The following MYBPC2 variants were observed in gnomAD, a reference collection of about 807,000 sequenced individuals.
The protein encoded by MYBPC2 is myosin-binding protein C, fast-type.
A neutral mutation model predicts 137.0 loss-of-function variants in MYBPC2; 122 were observed. That is an observed-to-expected ratio of 0.89 (90% CI 0.77 to 1.03). The LOEUF (loss-of-function observed/expected upper bound fraction) is 1.03. Ranked by LOEUF, MYBPC2 falls within the 50% of genes least tolerant of loss-of-function variation. The pLI is 0.00. For missense variants in MYBPC2, 1,500 were observed against 1,534.4 expected (o/e 0.98, Z 0.37); for synonymous variants, 626 against 612.3 (o/e 1.02, Z -0.33).
Position 50,451,354 on chromosome 19 carries a change from G to C in MYBPC2, c.1609+45G>C, listed in dbSNP as rs777303559. 4 of 1,606,788 alleles carry C rather than the reference G, an allele frequency of 2.5e-6. No individual in the cohort carries two copies. In the South Asian group the frequency reaches 4.4e-5, roughly 18 times the overall value. ...CTGGGAGCGGGTCTGAGGGAGGAGG[G>C]ACCGGGCTGAGGGAGGAGGGGAATG... On this transcript the variant is annotated intron_variant, in intron 15 of 27. Coordinates refer to ENST00000357701, the MANE Select transcript of MYBPC2 (RefSeq NM_004533.4).
At chr19:50,460,994 A>C (rs2039966361) in intron 24 of MYBPC2, among the ~76,000 whole-genome samples, 2 of 137,218 alleles carry the variant, frequency 1.5e-5, no homozygotes, top group African/African-American at 2.8e-5. Context: ...CCTGGCCTTT[A>C]TTTCTTTTAA....
intron 20 of MYBPC2, among the ~76,000 whole-genome samples, chr19:50,456,813 A>G (rs1045428245): frequency 1.3e-5 from 2 of 151,782 alleles, no homozygotes; most frequent in African/African-American, 4.8e-5. Flanking sequence ...CTATATGGCC[A>G]TCCAACCATC....
In MYBPC2 at chr19:50,445,896, G is replaced by T. The variant is rs1221821423; in HGVS notation, c.1150G>T (p.Glu384Ter). The T allele has an allele frequency of 2.5e-6, 4 of 1,607,678 alleles. No individual in the cohort carries two copies. The highest frequency in any genetic ancestry group is 3.4e-6 in the Non-Finnish European group (4 of 1,177,172). ...CCCACCTAGGATGAAAGATGGTGTG[G>T]AACTGACTCGGGAGGATTCCTTCAA... ...AQVMWMKDGV[E>*]LTREDSFKAR... Residue 384 changes from glutamate (E) to a stop codon, truncating the protein, a stop_gained, in exon 12 of 28, where the codon GAA becomes TAA. Transcript: ENST00000357701. LOFTEE classifies it high-confidence loss of function.
At chr19:50,439,819 C>T (rs1003691836) in intron 7 of MYBPC2, among the ~76,000 whole-genome samples, 2 of 152,214 alleles carry the variant, frequency 1.3e-5, no homozygotes, top group African/African-American at 4.8e-5. Context: ...GAGAGGGTCC[C>T]ACCGGGGCCT....
In MYBPC2 at chr19:50,455,192, C is replaced by A. The variant is rs776854953; in HGVS notation, c.2099C>A (p.Ser700Tyr). 1.1e-5 allele frequency: 18 copies of A among 1,613,822 alleles called. No individual in the cohort carries two copies. The highest frequency in any genetic ancestry group is 1.7e-5 in the Admixed American group (1 of 59,990). The change falls in exon 19 of 28, where the codon TCC (serine) becomes TAC (tyrosine). Residue 700 changes from serine to tyrosine, a missense_variant. Transcript: ENST00000357701. ...FEVFTETTYE[S>Y]TKMIEGILYE... is the part of the protein sequence containing the mutation. Reference sequence around the variant, plus strand: ...GTCTTCACAGAGACCACCTATGAGTCCACCAAGATGATCGAGGGCATCCTC... The same window carrying A: ...GTCTTCACAGAGACCACCTATGAGTACACCAAGATGATCGAGGGCATCCTC...
At chr19:50,459,078 C>A (rs1166000901) in intron 22 of MYBPC2, 33 bp from the exon 23 acceptor site, 1 of 1,554,534 alleles carries the variant, frequency 6.4e-7, no homozygotes, top group South Asian at 1.2e-5. Context: ...TGGAGCCCCG[C>A]TGACCCCACC....
In MYBPC2 at chr19:50,454,151, C is replaced by T. The variant is rs1405863127; in HGVS notation, c.1881C>T (p.Asp627=). 19 of 1,613,708 alleles carry T rather than the reference C, an allele frequency of 1.2e-5. No individual in the cohort carries two copies. The highest frequency in any genetic ancestry group is 3.3e-5 in the South Asian group (3 of 91,052). ...TIKVTNPVGE[D]VASIFLQVVD... ...AGGTCACCAACCCCGTCGGCGAGGA[C>T]GTGGCTTCCATCTTCCTGCAAGTTG... Residue 627 remains aspartate (D), a synonymous_variant, in exon 17 of 28, where the codon GAC becomes GAT. Transcript: ENST00000357701.
intron 7 of MYBPC2, among the ~76,000 whole-genome samples, chr19:50,440,489 C>A (rs1291641953): frequency 1.3e-5 from 2 of 151,656 alleles, no homozygotes; most frequent in Non-Finnish European, 2.9e-5. Flanking sequence ...CATGGCAAAA[C>A]CCTGTTTCTA....
intron 1 of MYBPC2, among the ~76,000 whole-genome samples, chr19:50,434,125 AG>A (rs2039681520): frequency 6.6e-6 from 1 of 152,122 alleles, no homozygotes; most frequent in South Asian, 2.1e-4. Flanking sequence ...TGGGAGGCCA[AG>A]GTGGGTGGAT....
In MYBPC2 at chr19:50,450,806, TACCCTGCTCCCCC is replaced by T; in HGVS notation, c.1473-18_1473-6del. On this transcript the variant is annotated splice_polypyrimidine_tract_variant and intron_variant, in intron 13 of 27. Coordinates refer to ENST00000357701, the MANE Select transcript of MYBPC2 (RefSeq NM_004533.4). Reference sequence around the variant, plus strand: ...TCCCATTGCAATCTGGTTCGAGCCCTACCCTGCTCCCCCACCCCTTAGGTTCCACAAGCTGGTG... The same window carrying T: ...TCCCATTGCAATCTGGTTCGAGCCCTACCCCTTAGGTTCCACAAGCTGGTG... 6.5e-7 allele frequency: 1 copy of T among 1,547,424 alleles called. No homozygotes were observed. The highest frequency in any genetic ancestry group is 8.8e-7 in the Non-Finnish European group (1 of 1,142,510).
intron 27 of MYBPC2, 115 bp downstream of exon 27, chr19:50,464,647 T>C (rs1217334145): frequency 2.5e-6 from 3 of 1,202,978 alleles, no homozygotes; most frequent in Non-Finnish European, 3.3e-6. Context: ...AGACCAGCCC[T>C]CTGGGAGGAG....
rs375528821 is a variant in MYBPC2, at chr19:50,435,805, G to T, written c.139G>T (p.Ala47Ser). The part of the protein sequence containing the change: ...EAPPEDQSPT[A>S]EEPTGVFLKK... Reference sequence around the variant, plus strand: ...CCCACCCGAGGACCAGTCCCCGACTGCAGAGGAGCCCACCGGCGTTTTCCT... The same window carrying T: ...CCCACCCGAGGACCAGTCCCCGACTTCAGAGGAGCCCACCGGCGTTTTCCT... Residue 47 changes from alanine to serine, a missense_variant, in exon 3 of 28, where the codon GCA (alanine) becomes TCA (serine). Ala to Ser is a moderately conservative substitution (Grantham distance 99, BLOSUM62 1). Coordinates refer to ENST00000357701, the MANE Select transcript of MYBPC2 (RefSeq NM_004533.4). The surrounding 1 kb of genome is among the most constrained non-coding windows in gnomAD (Gnocchi z 4.8). 486 of 1,611,980 alleles carry T rather than the reference G, an allele frequency of 3.0e-4. 4 individuals carry two copies. The South Asian group carries it at 5.0e-3, about 17-fold the overall frequency.
At chr19:50,453,005 T>C (rs780062071) in intron 16 of MYBPC2, among the ~76,000 whole-genome samples, 1 of 152,172 alleles carries the variant, frequency 6.6e-6, no homozygotes, top group Non-Finnish European at 1.5e-5. Flanking sequence ...ATCCATCCAT[T>C]TGCTCACTCA....
chr19:50,461,529 G>A lies in MYBPC2; in HGVS notation c.2932-13G>A, dbSNP rs763280120. The A allele has an allele frequency of 1.9e-6, 3 of 1,611,644 alleles. No individual in the cohort carries two copies. The highest frequency in any genetic ancestry group is 2.5e-6 in the Non-Finnish European group (3 of 1,178,840). ...GCCCCGACCCGCCTGGTCCCTCCCT[G>A]TCCCCACACTAGGAGTGGTTCAACG... On this transcript the variant is annotated splice_polypyrimidine_tract_variant and intron_variant, in intron 24 of 27. Coordinates refer to ENST00000357701, the MANE Select transcript of MYBPC2 (RefSeq NM_004533.4).
intron 20 of MYBPC2, among the ~76,000 whole-genome samples, chr19:50,457,104 C>T (rs986560045): frequency 6.6e-6 from 1 of 152,200 alleles, no homozygotes; most frequent in Non-Finnish European, 1.5e-5. Flanking sequence ...CTCTGAGCCT[C>T]AGTCTCTTCA....
intron 8 of MYBPC2, 150 bp downstream of exon 8, chr19:50,441,226 G>A (rs1353616862): frequency 4.9e-6 from 4 of 810,506 alleles, no homozygotes; most frequent in South Asian, 4.8e-5. Context: ...TCGGACACCA[G>A]ACCAAATTGA....
At chr19:50,462,880 G>A (rs1053058321) in intron 26 of MYBPC2, among the ~76,000 whole-genome samples, 1 of 152,160 alleles carries the variant, frequency 6.6e-6, no homozygotes, top group South Asian at 2.1e-4. Context: ...CTGACTGCCA[G>A]GTAACAGCTT....
chr19:50,466,141 TTCAGGAGGAGGCG>T lies in MYBPC2; in HGVS notation c.3416-52_3416-40del. The stretch of plus-strand genomic sequence containing the variant: ...TGGATGCAGCTCCTCCTCCTGGGGC[TTCAGGAGGAGGCG>T]TGCCCGGGCCTGGCTCACCCGCTTT... On this transcript the variant is annotated intron_variant, in intron 27 of 27. Coordinates refer to ENST00000357701, the MANE Select transcript of MYBPC2 (RefSeq NM_004533.4). This position sits in a 1 kb window ranked among gnomAD's most constrained non-coding sequence, Gnocchi z 4.9. The T allele has an allele frequency of 6.2e-7, 1 of 1,610,626 alleles. No homozygotes were observed. The highest frequency in any genetic ancestry group is 8.5e-7 in the Non-Finnish European group (1 of 1,178,356).
chr19:50,437,268 G>C (rs1173245750), intron 5 of MYBPC2, among the ~76,000 whole-genome samples: 3 of 152,066 alleles, frequency 2.0e-5, no homozygotes, highest in Non-Finnish European at 4.4e-5. Flanking sequence ...AGGCTGCTGA[G>C]AGAGGGTGGA....
Sources: allele counts gnomAD v4.1 joint callset (sites outside exome capture counted in the v4.1 genomes callset), GRCh38; gene constraint gnomAD v4.1.1; non-coding constraint Gnocchi (gnomAD v3.1); transcripts MANE v1.5; gene names NCBI Gene and HGNC (gene_info 2026-07-23, HGNC 2026-07-21).